SUPT3H: variants seen among roughly 807,000 people sequenced by gnomAD.
The protein encoded by SUPT3H is SPT3 homolog, SAGA and STAGA complex component, also known as transcription initiation protein SPT3 homolog.
In SUPT3H, 44 loss-of-function variants were observed where a neutral mutation model predicts 44.3. That is an observed-to-expected ratio of 0.99 (90% confidence interval 0.78 to 1.28). The LOEUF is 1.28. Ranked by LOEUF, SUPT3H falls within the 50% of genes most tolerant of loss-of-function variation. SUPT3H has a pLI of 0.00. For synonymous variants in SUPT3H, 124 were observed against 125.6 expected (o/e 0.99, Z 0.09); for missense variants, 380 against 387.1 (o/e 0.98, Z 0.15).
intron 2 of SUPT3H, among the ~76,000 whole-genome samples, chr6:45,285,330 A>G (rs1449897086): frequency 6.6e-6 from 1 of 152,190 alleles, no homozygotes; most frequent in Non-Finnish European, 1.5e-5. Flanking sequence ...ACATGATTGT[A>G]TATCTAGAAA....
Position 44,959,557 on chromosome 6 carries a change from ATTT to A in SUPT3H, c.580+2193_580+2195del, listed in dbSNP as rs538716040. On this transcript the variant is annotated intron_variant, in intron 7 of 10. Coordinates refer to ENST00000371459, the MANE Select transcript of SUPT3H (RefSeq NM_003599.4). ...TATACATTTTAATTATAGATTATAAATTTTAATGATTTAAATTATTATAAATTA... is the reference window on the plus strand; with the variant it reads ...TATACATTTTAATTATAGATTATAAATAATGATTTAAATTATTATAAATTA... Among the ~76,000 whole-genome samples, 326 of 152,132 alleles carry A rather than the reference ATTT, an allele frequency of 2.1e-3. 1 individual carries two copies. The highest frequency in any genetic ancestry group is 7.5e-3 in the African/African-American group (312 of 41,540).
chr6:45,034,977 C>A (rs538011667), intron 3 of SUPT3H, among the ~76,000 whole-genome samples: 86 of 152,170 alleles, frequency 5.7e-4, no homozygotes, highest in Admixed American at 1.4e-3. Flanking sequence ...CTCATGGAAG[C>A]TAATATTTAA....
rs573704305 is a variant in SUPT3H, at chr6:45,022,019, T to C, written c.187-1387A>G. On this transcript the variant is annotated intron_variant, in intron 3 of 10. Transcript: ENST00000371459. ...TGAACATATTTTTTCTAAAAATTGG[T>C]AGAGTGAGGGAAATATATGTGCACA... is the stretch of plus-strand genomic sequence containing the variant. Among the ~76,000 whole-genome samples, 30 of 152,156 alleles carry C rather than the reference T, an allele frequency of 2.0e-4. No individual in the cohort carries two copies. The South Asian group carries it at 5.0e-3, about 25-fold the overall frequency.
At chr6:45,339,842 A>G (rs1004627222) in intron 2 of SUPT3H, among the ~76,000 whole-genome samples, 2 of 152,190 alleles carry the variant, frequency 1.3e-5, no homozygotes, top group African/African-American at 2.4e-5. Context: ...AGTATACCTT[A>G]ATTGAAACTG....
At chr6:45,059,980 T>C (rs776010896) in intron 3 of SUPT3H, among the ~76,000 whole-genome samples, 19 of 152,186 alleles carry the variant, frequency 1.2e-4, no homozygotes, top group East Asian at 3.9e-4. Context: ...TCCATGCTCA[T>C]AGATAGGAAG....
At chr6:45,125,827 CA>C (rs5875911) in intron 2 of SUPT3H, among the ~76,000 whole-genome samples, 100 of 147,336 alleles carry the variant, frequency 6.8e-4, no homozygotes, top group East Asian at 1.6e-3. Context: ...AAACTATTAC[CA>C]AAAAAAAAAA....
At chr6:45,334,449 C>CAAAAAAAA (rs551014969) in intron 2 of SUPT3H, among the ~76,000 whole-genome samples, 70 of 91,714 alleles carry the variant, frequency 7.6e-4, no homozygotes, top group East Asian at 1.1e-3. Context: ...TCAGGAAAAG[C>CAAAAAAAA]AAAAAAAAAA....
chr6:45,221,593 T>C (rs1766065075), intron 2 of SUPT3H, among the ~76,000 whole-genome samples: 2 of 152,102 alleles, frequency 1.3e-5, no homozygotes, highest in African/African-American at 4.8e-5. Flanking sequence ...CCTAAATAAA[T>C]GGAGACACAG....
intron 2 of SUPT3H, among the ~76,000 whole-genome samples, chr6:45,299,234 T>C (rs1490501754): frequency 2.0e-5 from 3 of 150,816 alleles, no homozygotes; most frequent in Non-Finnish European, 4.4e-5. Flanking sequence ...GGGCCTGTTG[T>C]CCCAGCTACT....
intron 2 of SUPT3H, among the ~76,000 whole-genome samples, chr6:45,330,998 A>AGTAT (rs1562965239): frequency 6.6e-6 from 1 of 152,036 alleles, no homozygotes; most frequent in African/African-American, 2.4e-5. Flanking sequence ...AAATGTCTTA[A>AGTAT]GTATGTGCCC....
intron 2 of SUPT3H, among the ~76,000 whole-genome samples, chr6:45,311,910 CA>C (rs1784017656): frequency 6.6e-6 from 1 of 151,434 alleles, no homozygotes; most frequent in Non-Finnish European, 1.5e-5. Flanking sequence ...AGTTAAAAAG[CA>C]AAAACAAAAA....
intron 5 of SUPT3H, among the ~76,000 whole-genome samples, chr6:45,004,339 A>G (rs1349853277): frequency 6.6e-6 from 1 of 152,072 alleles, no homozygotes; most frequent in Non-Finnish European, 1.5e-5. Context: ...GAATAACACA[A>G]AGGAAATCTT....
intron 2 of SUPT3H, among the ~76,000 whole-genome samples, chr6:45,195,713 T>G (rs900439577): frequency 1.3e-5 from 2 of 152,192 alleles, no homozygotes; most frequent in Admixed American, 6.6e-5. Context: ...ATTTTTATAT[T>G]TGTTCATATT....
chr6:45,200,438 C>G (rs1363530679), intron 2 of SUPT3H, among the ~76,000 whole-genome samples: 1 of 151,212 alleles, frequency 6.6e-6, no homozygotes, highest in Non-Finnish European at 1.5e-5. Context: ...AAAGTATATC[C>G]CATTTTGATG....
chr6:45,212,240 T>G (rs1375533421), intron 2 of SUPT3H, among the ~76,000 whole-genome samples: 2 of 152,206 alleles, frequency 1.3e-5, no homozygotes, highest in Non-Finnish European at 2.9e-5. Flanking sequence ...CTGAATCAAT[T>G]GCTTAAAAAT....
At chr6:45,013,213 T>C (rs1385698870) in intron 5 of SUPT3H, among the ~76,000 whole-genome samples, 2 of 152,248 alleles carry the variant, frequency 1.3e-5, no homozygotes, top group African/African-American at 4.8e-5. Context: ...TAACTATCTC[T>C]TTCCCTTGTT....
chr6:44,963,441 G>A (rs1172664400), intron 6 of SUPT3H, among the ~76,000 whole-genome samples: 1 of 152,168 alleles, frequency 6.6e-6, no homozygotes, highest in Non-Finnish European at 1.5e-5. Context: ...AGTGAGCTGA[G>A]ATCACGCCAC....
Position 44,920,015 on chromosome 6 carries a change from A to AT in SUPT3H, c.912+12637dup, listed in dbSNP as rs373058852. Among the ~76,000 whole-genome samples the AT allele has an allele frequency of 2.6e-3, 391 of 152,112 alleles. 3 individuals carry two copies. The highest frequency in any genetic ancestry group is 8.6e-3 in the African/African-American group (357 of 41,508). On this transcript the variant is annotated intron_variant, in intron 10 of 10. Transcript: ENST00000371459. Reference sequence around the variant, plus strand: ...TGCCTCAGCCTCCCGAGTAGCTGGGATTACAGGCGCATGCCACCACACCCG... The same window carrying AT: ...TGCCTCAGCCTCCCGAGTAGCTGGGATTTACAGGCGCATGCCACCACACCCG...
chr6:44,977,782 A>G (rs984671817), intron 6 of SUPT3H, among the ~76,000 whole-genome samples: 1 of 152,208 alleles, frequency 6.6e-6, no homozygotes, highest in African/African-American at 2.4e-5. Flanking sequence ...AGTTCACTTG[A>G]CATTACTACT....
Sources: gnomAD v4.1 joint callset for allele counts (sites outside exome capture counted in the v4.1 genomes callset) on GRCh38, gnomAD v4.1.1 for gene constraint, MANE v1.5 for transcripts, NCBI Gene and HGNC (gene_info 2026-07-23, HGNC 2026-07-21) for gene names.